Variants in SCARA3 observed in about 807,000 individuals in gnomAD.
SCARA3 encodes cellular stress response gene protein.
A neutral mutation model predicts 47.0 loss-of-function variants in SCARA3; 39 were observed. That is an observed-to-expected ratio of 0.83 (90% CI 0.64 to 1.08). The LOEUF (loss-of-function observed/expected upper bound fraction) is 1.08, where lower values mean the gene tolerates loss of function less well. Among genes scored for constraint, SCARA3 ranks in the 50% least tolerant of loss-of-function variants. SCARA3 has a pLI of 0.00. For missense variants in SCARA3, 724 were observed against 792.3 expected, an observed-to-expected ratio of 0.91 and a Z score of 1.04; for synonymous variants, 356 against 334.1, an observed-to-expected ratio of 1.07 and a Z score of -0.71.
chr8:27,690,493 C>A, the SCARA3 span, among the ~76,000 whole-genome samples: 1 of 152,086 alleles, frequency 6.6e-6, no homozygotes, highest in Non-Finnish European at 1.5e-5. Context: ...TGTAAATTAA[C>A]CTAAATTTCC....
the SCARA3 span, chr8:27,733,707 T>C: frequency 1.3e-5 from 2 of 152,246 alleles, no homozygotes; most frequent in Non-Finnish European, 2.9e-5. Context: ...AAATTTGTTA[T>C]TTACATGCTG....
At chr8:27,728,210 G>A in the SCARA3 span, among the ~76,000 whole-genome samples, 2 of 152,202 alleles carry the variant, frequency 1.3e-5, no homozygotes, top group African/African-American at 4.8e-5. Context: ...CACCGACGAG[G>A]GCTGCTGGCA....
chr8:27,712,239 G>A, the SCARA3 span, among the ~76,000 whole-genome samples: 1 of 152,120 alleles, frequency 6.6e-6, no homozygotes, highest in African/African-American at 2.4e-5. Flanking sequence ...TTTTCAGGCT[G>A]GCTTCTTTCT....
chr8:27,723,984 C>T, the SCARA3 span, among the ~76,000 whole-genome samples: 81 of 152,320 alleles, frequency 5.3e-4, 1 homozygote, highest in East Asian at 4.6e-3. Flanking sequence ...GATCCACCCG[C>T]CTCAGCCTCT....
At chr8:27,710,552 C>T in the SCARA3 span, among the ~76,000 whole-genome samples, 7 of 152,130 alleles carry the variant, frequency 4.6e-5, no homozygotes, top group African/African-American at 1.7e-4. Flanking sequence ...CACCCCATGG[C>T]CGCACGTCTT....
intron 1 of SCARA3, among the ~76,000 whole-genome samples, chr8:27,637,403 A>C (rs976511434): frequency 1.3e-5 from 2 of 152,192 alleles, no homozygotes; most frequent in Admixed American, 6.5e-5. Flanking sequence ...ACTTCCAGTA[A>C]GAGTGACCCA....
In SCARA3 at chr8:27,672,726, G is replaced by T; in HGVS notation, c.*1375G>T. 2.0e-6 allele frequency: 2 copies of T among 985,632 alleles called. No homozygotes were observed. Among genetic ancestry groups the T allele is most frequent in the Non-Finnish European group, 2.4e-6 (2 of 830,078 alleles). 61.1% of individuals were successfully genotyped at this position (985,632 alleles called of 1,614,324 possible). A position where few individuals can be genotyped will look rare whatever the true frequency, so the allele number is the denominator to read the frequency against. Reference sequence around the variant, plus strand: ...AGGGGCGCTGGGAAATCACCCCACAGGGTGGAGGTCTCCTGTTGGCTACAC... The same window carrying T: ...AGGGGCGCTGGGAAATCACCCCACATGGTGGAGGTCTCCTGTTGGCTACAC... On this transcript the variant is annotated 3_prime_UTR_variant, in exon 6 of 6. Transcript: ENST00000301904.
downstream of SCARA3, among the ~76,000 whole-genome samples, chr8:27,677,548 A>G (rs887170622): frequency 5.3e-5 from 8 of 152,232 alleles, no homozygotes; most frequent in African/African-American, 1.9e-4. Flanking sequence ...CGATAGCTTA[A>G]AAGTAAAACC....
chr8:27,657,783 G>A (rs753098513), intron 4 of SCARA3, among the ~76,000 whole-genome samples: 4 of 151,584 alleles, frequency 2.6e-5, no homozygotes, highest in African/African-American at 7.3e-5. Context: ...CTCGTGATCC[G>A]CCCGCCTCTG....
At chr8:27,688,783 T>C in the SCARA3 span, among the ~76,000 whole-genome samples, 1 of 152,122 alleles carries the variant, frequency 6.6e-6, no homozygotes, top group Non-Finnish European at 1.5e-5. Context: ...GGAAGGGAGC[T>C]CTTAGCTGCA....
chr8:27,719,362 C>G, the SCARA3 span, among the ~76,000 whole-genome samples: 3 of 152,100 alleles, frequency 2.0e-5, no homozygotes, highest in African/African-American at 7.2e-5. Context: ...GGGAACAACA[C>G]ACACTGGGGA....
rs60638219 is a variant in SCARA3, at chr8:27,660,654, A to AGATAGATAGATAGATAGATC, written c.1369+1118_1369+1119insAGATAGATAGATAGATCGAT. ...TAGATAGATAGATAGATAGATAGAT[A>AGATAGATAGATAGATAGATC]GATCTAGAGAAACAGAATCAATAGT... On this transcript the variant is annotated intron_variant, in intron 5 of 5. Coordinates refer to ENST00000301904, the MANE Select transcript of SCARA3 (RefSeq NM_016240.3). Among the ~76,000 whole-genome samples the AGATAGATAGATAGATAGATC allele has an allele frequency of 4.3e-3, 641 of 149,910 alleles. 2 individuals are homozygous for AGATAGATAGATAGATAGATC. The highest frequency in any genetic ancestry group is 8.2e-3 in the South Asian group (38 of 4,624).
downstream of SCARA3, chr8:27,676,680 A>C (rs1259376764): frequency 1.2e-6 from 1 of 832,386 alleles, no homozygotes; most frequent in African/African-American, 1.7e-5. Flanking sequence ...AATGGTAAGC[A>C]TCACCTTAAG....
chr8:27,637,968 A>C (rs1021934522), intron 1 of SCARA3, among the ~76,000 whole-genome samples: 4 of 152,048 alleles, frequency 2.6e-5, no homozygotes, highest in Non-Finnish European at 5.9e-5. Flanking sequence ...AGGTGAAAAG[A>C]GCCACCAGAC....
the SCARA3 span, among the ~76,000 whole-genome samples, chr8:27,704,253 C>T: frequency 3.3e-5 from 5 of 151,922 alleles, no homozygotes; most frequent in African/African-American, 1.2e-4. Flanking sequence ...TGAGACCAGC[C>T]TGAGCAACAC....
chr8:27,690,015 A>G, the SCARA3 span, among the ~76,000 whole-genome samples: 2 of 152,166 alleles, frequency 1.3e-5, no homozygotes, highest in African/African-American at 2.4e-5. Flanking sequence ...CTAGAGACCA[A>G]ATATCTGTAT....
intron 3 of SCARA3, among the ~76,000 whole-genome samples, chr8:27,655,555 C>T (rs1801725586): frequency 6.6e-6 from 1 of 152,174 alleles, no homozygotes. Context: ...AGCAGTTTGG[C>T]AGCTTGTATC....
intron 1 of SCARA3, among the ~76,000 whole-genome samples, chr8:27,648,619 G>A (rs1328465898): frequency 5.3e-5 from 8 of 151,570 alleles, no homozygotes; most frequent in Middle Eastern, 3.4e-3. Flanking sequence ...AAAAAAAAAA[G>A]GAAAAAAGGA....
the SCARA3 span, among the ~76,000 whole-genome samples, chr8:27,699,254 TAA>T: frequency 2.2e-5 from 3 of 139,278 alleles, no homozygotes; most frequent in Non-Finnish European, 1.6e-5. Flanking sequence ...AAATAAAAAT[TAA>T]AAAAAAAAAA....
Sources: gnomAD v4.1 joint callset for allele counts (sites outside exome capture counted in the v4.1 genomes callset) on GRCh38, gnomAD v4.1.1 for gene constraint, MANE v1.5 for transcripts, NCBI Gene and HGNC (gene_info 2026-07-23, HGNC 2026-07-21) for gene names.